NRXN1: variants seen among roughly 807,000 people sequenced by gnomAD.
NRXN1 encodes the protein neurexin 1.
A neutral mutation model predicts 150.9 loss-of-function variants in NRXN1; 39 were observed. The observed-to-expected ratio is 0.26, with a 90% CI of 0.20 to 0.34. NRXN1 has a LOEUF of 0.34. Among genes scored for constraint, NRXN1 ranks in the 10% least tolerant of loss-of-function variants. The pLI is 1.00. For synonymous variants in NRXN1, 924 were observed against 757.0 expected, an observed-to-expected ratio of 1.22 and a Z score of -3.62; for missense variants, 1,815 against 1,949.9, an observed-to-expected ratio of 0.93 and a Z score of 1.30.
chr2:50,155,590 A>C (rs1234520831), intron 18 of NRXN1, among the ~76,000 whole-genome samples: 2 of 151,666 alleles, frequency 1.3e-5, no homozygotes, highest in African/African-American at 4.8e-5. Flanking sequence ...AAACAATACA[A>C]GTTTAAAGCT....
At chr2:51,002,497 A>G (rs1700198045) in intron 2 of NRXN1, among the ~76,000 whole-genome samples, 1 of 151,990 alleles carries the variant, frequency 6.6e-6, no homozygotes, top group African/African-American at 2.4e-5. Context: ...ATAATAATGA[A>G]TTTGTTAAAA....
intron 18 of NRXN1, among the ~76,000 whole-genome samples, chr2:50,219,992 T>TAA (rs1312109100): frequency 2.8e-5 from 1 of 36,244 alleles, no homozygotes; most frequent in Non-Finnish European, 5.2e-5. Context: ...ATATTATATA[T>TAA]AATATATATT....
chr2:50,211,801 A>G (rs1462355193), intron 18 of NRXN1, among the ~76,000 whole-genome samples: 1 of 151,182 alleles, frequency 6.6e-6, no homozygotes, highest in African/African-American at 2.4e-5. Flanking sequence ...TTAGTCAACC[A>G]GACTCCATTT....
At chr2:50,348,012 A>G (rs1480191229) in intron 17 of NRXN1, among the ~76,000 whole-genome samples, 3 of 152,160 alleles carry the variant, frequency 2.0e-5, no homozygotes, top group Non-Finnish European at 4.4e-5. Context: ...CTCCATCTGA[A>G]CTACAATGGC....
At chr2:50,553,107 C>G in intron 8 of NRXN1, 82 bp from the exon 9 acceptor site, 1 of 997,956 alleles carries the variant, frequency 1.0e-6, no homozygotes, top group Non-Finnish European at 1.5e-6. Flanking sequence ...TAACTTTCAA[C>G]GACATCATAA....
At chr2:50,906,720 A>G (rs896166689) in intron 5 of NRXN1, among the ~76,000 whole-genome samples, 1 of 152,024 alleles carries the variant, frequency 6.6e-6, no homozygotes, top group Admixed American at 6.6e-5. Context: ...TGCAACCTGC[A>G]TTTCTCTTAC....
chr2:49,952,392 C>T (rs1055483476), intron 21 of NRXN1, among the ~76,000 whole-genome samples: 1 of 152,010 alleles, frequency 6.6e-6, no homozygotes, highest in African/African-American at 2.4e-5. Flanking sequence ...TATGGCAGCA[C>T]ATCATGTAAC....
chr2:50,447,738 T>TATATATAC (rs2086567416), intron 17 of NRXN1, among the ~76,000 whole-genome samples: 1 of 60,550 alleles, frequency 1.7e-5, no homozygotes, highest in Non-Finnish European at 3.2e-5. Context: ...AGGGGAACGT[T>TATATATAC]ATATATATAT....
intron 5 of NRXN1, among the ~76,000 whole-genome samples, chr2:50,872,277 T>C (rs538439934): frequency 2.6e-5 from 4 of 151,992 alleles, no homozygotes; most frequent in South Asian, 2.1e-4. Context: ...TAAAATGTAA[T>C]GTGTAATAAT....
At chr2:50,241,713 T>C (rs2066014724) in intron 17 of NRXN1, among the ~76,000 whole-genome samples, 1 of 151,976 alleles carries the variant, frequency 6.6e-6, no homozygotes, top group East Asian at 1.9e-4. Context: ...TTAAACTGCC[T>C]GTGATGTTAT....
intron 5 of NRXN1, among the ~76,000 whole-genome samples, chr2:50,791,655 GT>G (rs1706067405): frequency 6.6e-6 from 1 of 152,070 alleles, no homozygotes; most frequent in Admixed American, 6.6e-5. Flanking sequence ...AGAGGTTTCC[GT>G]GAAAAAATTC....
At chr2:50,144,655 T>C (rs1316202870) in intron 18 of NRXN1, among the ~76,000 whole-genome samples, 5 of 151,896 alleles carry the variant, frequency 3.3e-5, no homozygotes, top group African/African-American at 1.2e-4. Context: ...TGTATGTATG[T>C]ATATGCATAT....
intron 18 of NRXN1, among the ~76,000 whole-genome samples, chr2:50,150,995 C>T (rs948604874): frequency 1.4e-4 from 21 of 151,736 alleles, no homozygotes; most frequent in Admixed American, 9.2e-4. Flanking sequence ...CTTCAAAAAA[C>T]TCAGATTTGT....
chr2:50,771,128 C>A (rs1183204622), intron 5 of NRXN1, among the ~76,000 whole-genome samples: 3 of 151,934 alleles, frequency 2.0e-5, no homozygotes, highest in Non-Finnish European at 4.4e-5. Context: ...AAACGGACTG[C>A]AGATTGTACT....
chr2:50,314,078 A>G (rs1375800213), intron 17 of NRXN1, among the ~76,000 whole-genome samples: 2 of 152,268 alleles, frequency 1.3e-5, no homozygotes, highest in East Asian at 3.9e-4. Context: ...TGGTTTTTCT[A>G]TGCTGAAGAT....
chr2:49,925,817 TAAAA>T (rs142945516), intron 22 of NRXN1, among the ~76,000 whole-genome samples: 16,725 of 152,096 alleles, frequency 0.11, 1,033 homozygotes, highest in Middle Eastern at 0.16. Flanking sequence ...AATAACTTGT[TAAAA>T]AAGATTTAAC....
intron 22 of NRXN1, 101 bp from the exon 23 acceptor site, chr2:49,922,352 T>C (rs1668368667): frequency 8.3e-7 from 1 of 1,199,900 alleles, no homozygotes; most frequent in Non-Finnish European, 1.2e-6. Flanking sequence ...ACAGCACCTA[T>C]GCTTTAGGAA....
chr2:50,717,051 C>T (rs538624173), intron 5 of NRXN1, among the ~76,000 whole-genome samples: 1 of 152,196 alleles, frequency 6.6e-6, no homozygotes, highest in African/African-American at 2.4e-5. Flanking sequence ...TGTTGTTACT[C>T]AATTCTGTGC....
chr2:50,704,324 C>T (rs1694151872), intron 5 of NRXN1, among the ~76,000 whole-genome samples: 1 of 151,864 alleles, frequency 6.6e-6, no homozygotes, highest in African/African-American at 2.4e-5. Context: ...TATTATTCAT[C>T]TTTAGGCAAA....
Sources: allele counts gnomAD v4.1 joint callset (sites outside exome capture counted in the v4.1 genomes callset), GRCh38; gene constraint gnomAD v4.1.1; transcripts MANE v1.5; gene names NCBI Gene and HGNC (gene_info 2026-07-23, HGNC 2026-07-21).